Variants in COL21A1 observed in about 807,000 individuals in gnomAD.
COL21A1 encodes the protein collagen type XXI alpha 1 chain.
COL21A1 carries 149 observed loss-of-function variants against 137.9 expected under a neutral mutation model. That is an observed-to-expected ratio of 1.08 (90% CI 0.95 to 1.24). The LOEUF (loss-of-function observed/expected upper bound fraction) is 1.24, where lower values mean the gene tolerates loss of function less well. Ranked by LOEUF, COL21A1 falls within the 50% of genes most tolerant of loss-of-function variation. The pLI is 0.00. For missense variants in COL21A1, 1,167 were observed against 1,158.4 expected, an observed-to-expected ratio of 1.01 and a Z score of -0.11; for synonymous variants, 456 against 391.5, an observed-to-expected ratio of 1.16 and a Z score of -1.95.
At chr6:56,282,009 G>GT (rs752232807) in intron 1 of COL21A1, among the ~76,000 whole-genome samples, 6 of 152,270 alleles carry the variant, frequency 3.9e-5, no homozygotes, top group Admixed American at 6.5e-5. Context: ...TCAAGAGTGG[G>GT]TTTTTTAGAA....
At chr6:56,192,595 T>G (rs150919005) in intron 1 of COL21A1, among the ~76,000 whole-genome samples, 10,366 of 152,238 alleles carry the variant, frequency 0.068, 415 homozygotes, top group South Asian at 0.12. Flanking sequence ...AAGCTCATCA[T>G]TACTGGTCAT....
intron 1 of COL21A1, among the ~76,000 whole-genome samples, chr6:56,236,817 C>T (rs1451347934): frequency 6.6e-6 from 1 of 151,996 alleles, no homozygotes; most frequent in Non-Finnish European, 1.5e-5. Context: ...CTACTCATTG[C>T]TCCTCTTGTT....
intron 1 of COL21A1, among the ~76,000 whole-genome samples, chr6:56,329,029 C>G (rs570303489): frequency 3.3e-5 from 5 of 152,030 alleles, no homozygotes; most frequent in Non-Finnish European, 5.9e-5. Context: ...ACTTGGCACA[C>G]GGGTTGTGTG....
chr6:56,154,024 T>C (rs1181614579), intron 10 of COL21A1, among the ~76,000 whole-genome samples: 1 of 152,188 alleles, frequency 6.6e-6, no homozygotes, highest in Non-Finnish European at 1.5e-5. Context: ...TTTGGATGCT[T>C]GCCCCCTTGA....
chr6:56,063,888 A>C (rs930817470), intron 24 of COL21A1, among the ~76,000 whole-genome samples: 2 of 152,092 alleles, frequency 1.3e-5, no homozygotes, highest in African/African-American at 4.8e-5. Flanking sequence ...AGACATGATC[A>C]AGTTGGAACC....
chr6:56,320,093 C>G (rs2152341160), intron 1 of COL21A1, among the ~76,000 whole-genome samples: 1 of 152,236 alleles, frequency 6.6e-6, no homozygotes, highest in South Asian at 2.1e-4. Context: ...ATATCTTAAA[C>G]TGGCATCTTA....
At chr6:56,299,896 C>A (rs1764242127) in intron 1 of COL21A1, among the ~76,000 whole-genome samples, 1 of 152,110 alleles carries the variant, frequency 6.6e-6, no homozygotes, top group South Asian at 2.1e-4. Flanking sequence ...TAAGAGCTCC[C>A]CTTTCTCCCG....
chr6:56,286,605 T>C (rs1763919716), intron 1 of COL21A1, among the ~76,000 whole-genome samples: 2 of 152,230 alleles, frequency 1.3e-5, no homozygotes. Flanking sequence ...ACTGAACAAG[T>C]ACAAGTTAAC....
chr6:56,124,742 C>T (rs1772873326), intron 14 of COL21A1, among the ~76,000 whole-genome samples: 1 of 151,234 alleles, frequency 6.6e-6, no homozygotes, highest in Non-Finnish European at 1.5e-5. Context: ...CCCGGGTTCA[C>T]GCCATTCTCC....
chr6:56,267,354 C>T (rs1030919729), intron 1 of COL21A1, among the ~76,000 whole-genome samples: 1 of 152,144 alleles, frequency 6.6e-6, no homozygotes, highest in African/African-American at 2.4e-5. Flanking sequence ...TCCATGCTTT[C>T]TCCTTTTCAC....
intron 10 of COL21A1, among the ~76,000 whole-genome samples, chr6:56,150,722 C>G (rs1775255526): frequency 6.6e-6 from 1 of 152,194 alleles, no homozygotes; most frequent in East Asian, 1.9e-4. Flanking sequence ...CTACTTCTCT[C>G]TTAGCCAATA....
chr6:56,061,078 T>A, intron 25 of COL21A1, 41 bp from the exon 26 acceptor site: 1 of 1,536,448 alleles, frequency 6.5e-7, no homozygotes, highest in South Asian at 1.3e-5. Context: ...ATTTAAATAT[T>A]TCAGGAGGTA....
At chr6:56,175,518 T>C (rs527258423) in intron 3 of COL21A1, among the ~76,000 whole-genome samples, 22 of 151,792 alleles carry the variant, frequency 1.4e-4, no homozygotes, top group Non-Finnish European at 7.4e-5. Flanking sequence ...AAAAAGAAAA[T>C]TAAGAAAATA....
chr6:56,170,963 G>C lies in COL21A1; in HGVS notation c.806C>G (p.Thr269Arg). 1.2e-6 allele frequency: 2 copies of C among 1,601,312 alleles called. No individual in the cohort carries two copies. The highest frequency in any genetic ancestry group is 1.7e-6 in the Non-Finnish European group (2 of 1,174,534). Residue 269 changes from threonine (T) to arginine (R), a missense_variant, in exon 4 of 30, where the codon ACA becomes AGA. Transcript: ENST00000244728. ...VTSKVDLSEL[T>R]SNVFPEGLPP... Reference sequence around the variant, plus strand: ...TGTGTCAACATATAATGCATACCTTGTGAGTTCTGATAAATCAACTTTTGA... The same window carrying C: ...TGTGTCAACATATAATGCATACCTTCTGAGTTCTGATAAATCAACTTTTGA...
chr6:56,206,693 A>AT (rs1779800725), intron 1 of COL21A1, among the ~76,000 whole-genome samples: 128 of 127,754 alleles, frequency 1.0e-3, no homozygotes, highest in Non-Finnish European at 1.7e-3. Flanking sequence ...TAAATAAATA[A>AT]ATAAATATAT....
intron 1 of COL21A1, among the ~76,000 whole-genome samples, chr6:56,222,098 C>G (rs891203249): frequency 2.0e-5 from 3 of 151,856 alleles, no homozygotes; most frequent in Admixed American, 1.3e-4. Flanking sequence ...CATGGTGAAA[C>G]CCCATCTCTA....
intron 1 of COL21A1, among the ~76,000 whole-genome samples, chr6:56,288,386 G>A (rs1287813247): frequency 6.6e-6 from 1 of 152,024 alleles, no homozygotes; most frequent in Non-Finnish European, 1.5e-5. Context: ...TACAAATAAA[G>A]AAGAAAATTA....
chr6:56,275,737 T>C (rs1274392935), intron 1 of COL21A1, among the ~76,000 whole-genome samples: 2 of 152,154 alleles, frequency 1.3e-5, no homozygotes, highest in Non-Finnish European at 2.9e-5. Flanking sequence ...ATTCTGGCAA[T>C]GCTATGGGAA....
intron 1 of COL21A1, among the ~76,000 whole-genome samples, chr6:56,244,916 G>A (rs1782557508): frequency 6.6e-6 from 1 of 152,164 alleles, no homozygotes; most frequent in Non-Finnish European, 1.5e-5. Context: ...ATCAAATAAT[G>A]TGAAAGGAAT....
Sources: allele counts gnomAD v4.1 joint callset (sites outside exome capture counted in the v4.1 genomes callset), GRCh38; gene constraint gnomAD v4.1.1; transcripts MANE v1.5; gene names NCBI Gene and HGNC (gene_info 2026-07-23, HGNC 2026-07-21).